Variants in CACNA1A observed in about 807,000 individuals in gnomAD.
The protein encoded by CACNA1A is voltage-dependent P/Q-type calcium channel subunit alpha-1A.
CACNA1A carries 57 observed loss-of-function variants against 262.4 expected under a neutral mutation model. The ratio of observed to expected loss-of-function variants is 0.22; its 90% CI spans 0.18 to 0.27. The LOEUF (loss-of-function observed/expected upper bound fraction) is 0.27. Among genes scored for constraint, CACNA1A ranks in the 10% least tolerant of loss-of-function variants. The pLI, the probability that CACNA1A is intolerant of heterozygous loss-of-function variation, is 1.00. For synonymous variants in CACNA1A, 1,431 were observed against 1,419.3 expected (o/e 1.01, Z -0.18); for missense variants, 2,526 against 3,562.8 (o/e 0.71, Z 7.41).
At chr19:13,354,315 C>T (rs1260432217) in intron 6 of CACNA1A, among the ~76,000 whole-genome samples, 4 of 152,200 alleles carry the variant, frequency 2.6e-5, no homozygotes, top group Non-Finnish European at 5.9e-5. Flanking sequence ...AGGCCACACC[C>T]ACTGGCTTCG....
At chr19:13,448,053 C>T (rs1490565146) in intron 3 of CACNA1A, among the ~76,000 whole-genome samples, 1 of 150,584 alleles carries the variant, frequency 6.6e-6, no homozygotes, top group Non-Finnish European at 1.5e-5. Context: ...TATGAGCTTC[C>T]CTAAGTGTTC....
At chr19:13,262,979 G>A in intron 24 of CACNA1A, 146 bp from the exon 25 acceptor site, 1 of 660,544 alleles carries the variant, frequency 1.5e-6, no homozygotes. Flanking sequence ...CCTTCCTGGT[G>A]AAGAGTGGTC....
chr19:13,390,029 G>A (rs191165163), intron 3 of CACNA1A, among the ~76,000 whole-genome samples: 25 of 151,256 alleles, frequency 1.7e-4, no homozygotes, highest in African/African-American at 5.4e-4. Flanking sequence ...TAGCCAGGGT[G>A]GTCTCGATCT....
chr19:13,464,543 A>ATTT (rs540418372), intron 1 of CACNA1A, among the ~76,000 whole-genome samples: 16 of 128,958 alleles, frequency 1.2e-4, no homozygotes, highest in African/African-American at 2.8e-4. Flanking sequence ...AACTTTTCCA[A>ATTT]TTTTTTTTTT....
chr19:13,430,351 C>T (rs1332065674), intron 3 of CACNA1A, among the ~76,000 whole-genome samples: 1 of 152,032 alleles, frequency 6.6e-6, no homozygotes, highest in Non-Finnish European at 1.5e-5. Context: ...GGACTACAGG[C>T]GTGCAATGCC....
At chr19:13,362,346 C>G (rs953243237) in intron 5 of CACNA1A, 1 of 152,000 alleles carries the variant, frequency 6.6e-6, no homozygotes, top group Non-Finnish European at 1.5e-5. Context: ...TACAGGCACA[C>G]GCCACCATGC....
intron 3 of CACNA1A, among the ~76,000 whole-genome samples, chr19:13,433,843 A>G (rs2060563832): frequency 6.6e-6 from 1 of 152,194 alleles, no homozygotes; most frequent in Admixed American, 6.5e-5. Flanking sequence ...TCCCCTGGGA[A>G]CTAAGTCAAG....
At chr19:13,457,848 C>T (rs1285721890) in intron 1 of CACNA1A, among the ~76,000 whole-genome samples, 5 of 127,496 alleles carry the variant, frequency 3.9e-5, no homozygotes, top group South Asian at 2.3e-4. Context: ...AGCAAAACTC[C>T]GTTTCAAAAA....
intron 3 of CACNA1A, among the ~76,000 whole-genome samples, chr19:13,413,900 AAAG>A (rs1297454958): frequency 3.1e-4 from 16 of 51,368 alleles, no homozygotes; most frequent in Admixed American, 1.0e-3. Context: ...AAAGAAAAAG[AAAG>A]AAAGAAAGAA....
rs1351809342 is a variant in CACNA1A at position 13,214,844 on chromosome 19, G to C, written c.5732-236C>G. 5.7e-6 allele frequency: 3 copies of C among 523,850 alleles called. No homozygotes were observed. Among genetic ancestry groups the C allele is most frequent in the Non-Finnish European group, 1.0e-5 (3 of 293,764 alleles). The allele number at this position is 523,850 out of a possible 1,614,324, so 32.5% of individuals were successfully genotyped here. A position where few individuals can be genotyped will look rare whatever the true frequency, so the allele number is the denominator to read the frequency against. On this transcript the variant is annotated intron_variant, in intron 38 of 46. Coordinates refer to ENST00000360228, the MANE Select transcript of CACNA1A (RefSeq NM_001127222.2). This position sits in a 1 kb window ranked among gnomAD's most constrained non-coding sequence, Gnocchi z 4.1. ...CCATGGAGCAGCTGTGCAGGAGACA[G>C]CCCGGCATGGAGAACAGCTGGGCGA...
At position 13,259,662 on chromosome 19, in the gene CACNA1A, C is replaced by G; in HGVS notation, c.4290G>C (p.Ala1430=). Residue 1430 remains alanine (A), a synonymous_variant, in exon 27 of 47, where the codon GCG becomes GCC. Coordinates refer to ENST00000360228, the MANE Select transcript of CACNA1A (RefSeq NM_001127222.2). ...YLLYEKNEVK[A]RDREWKKYEF... ...CATACTTCTTCCACTCCCGGTCTCG[C>G]GCCTTCACCTCATTCTTCTCGTAGA... The G allele has an allele frequency of 6.2e-7, 1 of 1,610,944 alleles. No homozygotes were observed. The highest frequency in any genetic ancestry group is 1.7e-4 in the Middle Eastern group (1 of 6,058).
At chr19:13,264,359 C>T (rs1442235827) in intron 24 of CACNA1A, among the ~76,000 whole-genome samples, 4 of 152,182 alleles carry the variant, frequency 2.6e-5, no homozygotes, top group African/African-American at 9.7e-5. Context: ...CCCCCTCACC[C>T]GTCTCCCAAC....
intron 15 of CACNA1A, among the ~76,000 whole-genome samples, chr19:13,305,423 T>C: frequency 6.6e-6 from 1 of 152,184 alleles, no homozygotes. Context: ...AGCACCTACA[T>C]GCTCCTTTAA....
chr19:13,369,447 T>C (rs73922379), intron 4 of CACNA1A, among the ~76,000 whole-genome samples: 8,122 of 152,162 alleles, frequency 0.053, 426 homozygotes, highest in African/African-American at 0.14. Context: ...CGTCCCCCAA[T>C]AAAGCAGGTG....
intron 1 of CACNA1A, among the ~76,000 whole-genome samples, chr19:13,479,702 C>A (rs1301619834): frequency 6.6e-6 from 1 of 152,206 alleles, no homozygotes; most frequent in Non-Finnish European, 1.5e-5. Flanking sequence ...TCTTATCAGA[C>A]AAACAAGCCT....
intron 20 of CACNA1A, 107 bp from the exon 21 acceptor site, chr19:13,285,313 G>A: frequency 1.6e-6 from 2 of 1,255,854 alleles, no homozygotes; most frequent in Non-Finnish European, 2.2e-6. Flanking sequence ...CATTTCTAAA[G>A]TGCCTGCTGT....
At chr19:13,491,512 C>T (rs1980878990) in intron 1 of CACNA1A, among the ~76,000 whole-genome samples, 1 of 152,094 alleles carries the variant, frequency 6.6e-6, no homozygotes, top group Admixed American at 6.5e-5. Flanking sequence ...AAGAAAAGGG[C>T]CTTTCCGTCA....
intron 11 of CACNA1A, chr19:13,316,632 A>G (rs1225930346): frequency 2.0e-5 from 3 of 152,746 alleles, no homozygotes; most frequent in Admixed American, 1.3e-4. Flanking sequence ...GTTTGAAAGA[A>G]GAGAGAAGTA....
intron 1 of CACNA1A, among the ~76,000 whole-genome samples, chr19:13,468,145 A>T (rs867092507): frequency 3.3e-5 from 5 of 152,232 alleles, no homozygotes; most frequent in Non-Finnish European, 5.9e-5. Flanking sequence ...AGAAAAAACA[A>T]AACAACAAGC....
Sources: gnomAD v4.1 joint callset for allele counts (sites outside exome capture counted in the v4.1 genomes callset) on GRCh38, gnomAD v4.1.1 for gene constraint, Gnocchi (gnomAD v3.1) non-coding constraint, MANE v1.5 for transcripts, NCBI Gene and HGNC (gene_info 2026-07-23, HGNC 2026-07-21) for gene names.